Variants in NCOA2 observed in about 807,000 individuals in gnomAD.
The protein encoded by NCOA2 is nuclear receptor coactivator 2.
In NCOA2, 21 loss-of-function variants were observed where a neutral mutation model predicts 145.1. The observed-to-expected ratio is 0.14, with a 90% CI of 0.10 to 0.21. The LOEUF is 0.21. Among genes scored for constraint, NCOA2 ranks in the 10% least tolerant of loss-of-function variants. NCOA2 has a pLI of 1.00. For missense variants in NCOA2, 1,472 were observed against 1,837.6 expected, an observed-to-expected ratio of 0.80 and a Z score of 3.64; for synonymous variants, 619 against 637.5, an observed-to-expected ratio of 0.97 and a Z score of 0.44.
intron 1 of NCOA2, among the ~76,000 whole-genome samples, chr8:70,330,216 A>ATAATG (rs137886603): frequency 3.8e-4 from 57 of 150,908 alleles, no homozygotes; most frequent in Admixed American, 1.1e-3. Context: ...TGATGATGAT[A>ATAATG]ATGATGATGA....
At chr8:70,301,254 A>T (rs930355919) in intron 1 of NCOA2, among the ~76,000 whole-genome samples, 4 of 152,160 alleles carry the variant, frequency 2.6e-5, no homozygotes, top group African/African-American at 9.7e-5. Flanking sequence ...CACTATTATT[A>T]AATCTTGGCA....
At chr8:70,315,372 T>C (rs1805502108) in intron 1 of NCOA2, among the ~76,000 whole-genome samples, 2 of 152,224 alleles carry the variant, frequency 1.3e-5, no homozygotes, top group East Asian at 1.9e-4. Context: ...CTAAAAGTGG[T>C]TGTGTATGGA....
At chr8:70,218,254 T>C (rs1819831887) in intron 2 of NCOA2, among the ~76,000 whole-genome samples, 2 of 150,750 alleles carry the variant, frequency 1.3e-5, no homozygotes. Context: ...AGAAATACTG[T>C]ATCCGTTTAG....
intron 10 of NCOA2, among the ~76,000 whole-genome samples, chr8:70,158,148 T>A (rs1490361596): frequency 6.6e-6 from 1 of 152,240 alleles, no homozygotes; most frequent in Non-Finnish European, 1.5e-5. Context: ...ACTTTCAAAT[T>A]GTTTCAGTTT....
Position 70,148,486 on chromosome 8 carries a change from G to A in NCOA2, c.2395-3C>T. The A allele has an allele frequency of 6.2e-7, 1 of 1,612,394 alleles. No individual in the cohort carries two copies. The highest frequency in any genetic ancestry group is 8.5e-7 in the Non-Finnish European group (1 of 1,179,656). On this transcript the variant is annotated splice_region_variant and splice_polypyrimidine_tract_variant and intron_variant, in intron 11 of 22. Transcript: ENST00000452400. ...AAGTTGTCCAGCTCACTGCCAGGCT[G>A]TAGTTGACAAACAGAAGAGTTTATC...
chr8:70,146,152 T>C (rs1007158004), intron 12 of NCOA2, among the ~76,000 whole-genome samples: 2 of 152,232 alleles, frequency 1.3e-5, no homozygotes, highest in African/African-American at 4.8e-5. Flanking sequence ...GTGGTTACTC[T>C]CATTAGAAGT....
the NCOA2 span, among the ~76,000 whole-genome samples, chr8:70,455,029 G>C: frequency 6.6e-6 from 1 of 152,186 alleles, no homozygotes; most frequent in Non-Finnish European, 1.5e-5. Flanking sequence ...TAACTTTGTG[G>C]CTCCAAGCCC....
chr8:70,160,697 G>A (rs957303054), intron 9 of NCOA2, among the ~76,000 whole-genome samples: 1 of 151,302 alleles, frequency 6.6e-6, no homozygotes, highest in African/African-American at 2.5e-5. Context: ...GAGAGAGAGA[G>A]AGAGACTGAC....
At chr8:70,381,141 T>G (rs1256559763) in intron 1 of NCOA2, among the ~76,000 whole-genome samples, 1 of 151,610 alleles carries the variant, frequency 6.6e-6, no homozygotes, top group Non-Finnish European at 1.5e-5. Flanking sequence ...GATGGGGGAG[T>G]AATAGATAAA....
chr8:70,443,751 T>C, the NCOA2 span, among the ~76,000 whole-genome samples: 2 of 152,164 alleles, frequency 1.3e-5, no homozygotes, highest in Admixed American at 6.6e-5. Context: ...ACTTTTTTTT[T>C]GGTAGAGATG....
intron 1 of NCOA2, among the ~76,000 whole-genome samples, chr8:70,398,190 G>C (rs1444375310): frequency 6.6e-6 from 1 of 152,196 alleles, no homozygotes; most frequent in Non-Finnish European, 1.5e-5. Context: ...AGGTACGGTG[G>C]CTAATGCTTT....
At chr8:70,305,907 G>A (rs938446076) in intron 1 of NCOA2, among the ~76,000 whole-genome samples, 2 of 152,148 alleles carry the variant, frequency 1.3e-5, no homozygotes, top group African/African-American at 4.8e-5. Flanking sequence ...GGAGTAGTTA[G>A]TACCTAGCCA....
chr8:70,403,866 C>T (rs1164148338), upstream of NCOA2: 4 of 388,286 alleles, frequency 1.0e-5, no homozygotes, highest in African/African-American at 2.1e-5. Context: ...TCCTCCTCCT[C>T]CTCCTCCTCC....
chr8:70,354,557 A>T (rs2130882008), intron 1 of NCOA2, among the ~76,000 whole-genome samples: 1 of 152,332 alleles, frequency 6.6e-6, no homozygotes, highest in Non-Finnish European at 1.5e-5. Flanking sequence ...CTCATACAAA[A>T]ATTTGAAACA....
At chr8:70,287,661 C>T (rs1389985160) in intron 2 of NCOA2, among the ~76,000 whole-genome samples, 2 of 152,142 alleles carry the variant, frequency 1.3e-5, no homozygotes, top group South Asian at 2.1e-4. Context: ...TTTGAAGCCA[C>T]GAAACAGCAT....
intron 10 of NCOA2, among the ~76,000 whole-genome samples, chr8:70,158,916 T>C (rs1029452390): frequency 6.6e-6 from 1 of 151,988 alleles, no homozygotes; most frequent in Non-Finnish European, 1.5e-5. Flanking sequence ...GGCAATCATG[T>C]CTAAGCAAAC....
At chr8:70,365,214 C>T (rs940594670) in intron 1 of NCOA2, among the ~76,000 whole-genome samples, 1 of 152,238 alleles carries the variant, frequency 6.6e-6, no homozygotes, top group South Asian at 2.1e-4. Flanking sequence ...CACCTGTAGT[C>T]TCAGCTACGA....
intron 1 of NCOA2, among the ~76,000 whole-genome samples, chr8:70,343,735 C>T (rs1586552549): frequency 1.3e-5 from 2 of 151,178 alleles, no homozygotes; most frequent in African/African-American, 4.9e-5. Context: ...CGCTTGAACC[C>T]GGGAGGCAGA....
intron 5 of NCOA2, among the ~76,000 whole-genome samples, chr8:70,173,528 C>T (rs1323675353): frequency 6.6e-6 from 1 of 152,144 alleles, no homozygotes; most frequent in Non-Finnish European, 1.5e-5. Flanking sequence ...AGAGAAGTAG[C>T]ACTCTCTGGC....
Sources: gnomAD v4.1 joint callset for allele counts (sites outside exome capture counted in the v4.1 genomes callset) on GRCh38, gnomAD v4.1.1 for gene constraint, MANE v1.5 for transcripts, NCBI Gene and HGNC (gene_info 2026-07-23, HGNC 2026-07-21) for gene names.